Variants in BRWD1 observed in about 807,000 individuals in gnomAD.
BRWD1 encodes the protein bromodomain and WD repeat domain containing 1, also known as bromodomain and WD repeat-containing protein 1.
Under a neutral mutation model 251.2 loss-of-function variants are expected in BRWD1, and 82 were observed. That is an observed-to-expected ratio of 0.33 (90% CI 0.27 to 0.39). The LOEUF (loss-of-function observed/expected upper bound fraction) is 0.39, where lower values mean the gene tolerates loss of function less well. BRWD1 is among the 10% of genes least tolerant of loss of function. The pLI is 1.00. For synonymous variants in BRWD1, 918 were observed against 902.8 expected, an observed-to-expected ratio of 1.02 and a Z score of -0.30; for missense variants, 2,233 against 2,711.6, an observed-to-expected ratio of 0.82 and a Z score of 3.92.
At chr21:39,296,851 T>A in intron 5 of BRWD1, 1 of 977,696 alleles carries the variant, frequency 1.0e-6, no homozygotes, top group Non-Finnish European at 1.2e-6. Flanking sequence ...GTCTTACAAC[T>A]GATCCAACTT....
rs2035216952 is a variant in BRWD1, at chr21:39,274,460, AC to A, written c.1157del (p.Gly386ValfsTer15). ...AAATCCGTGCTGTTCCATCTCTGCT[AC>A]CACTTAGGAACCTTAAAACATTCAG... Reference protein sequence around the residue: ...FCNNGDRFLSGSRDGTARIWR... With the variant: ...FCNNGDRFLSXSRDGTARIWR... On this transcript the variant is annotated frameshift_variant, in exon 13 of 41. Coordinates refer to ENST00000342449, the MANE Select transcript of BRWD1 (RefSeq NM_033656.4). LOFTEE classifies it high-confidence loss of function. 1 of 1,613,486 alleles carries A rather than the reference AC, an allele frequency of 6.2e-7. No homozygotes were observed. Among genetic ancestry groups the A allele is most frequent in the Non-Finnish European group, 8.5e-7 (1 of 1,179,674 alleles).
rs376843261 is a variant in BRWD1, at chr21:39,284,973, G to T, written c.832-4725C>A. Among the ~76,000 whole-genome samples, 4 of 152,250 alleles carry T rather than the reference G, an allele frequency of 2.6e-5. No individual in the cohort carries two copies. In the East Asian group the frequency reaches 7.7e-4, roughly 29 times the overall value. ...GCTTTTGTTCCCTATGCTTTTGGGT[G>T]TATATCCAAAGGGAAATGAAATCAG... On this transcript the variant is annotated intron_variant, in intron 8 of 40. Transcript: ENST00000342449.
At chr21:39,280,528 G>C (rs2035423363) in intron 8 of BRWD1, among the ~76,000 whole-genome samples, 1 of 152,044 alleles carries the variant, frequency 6.6e-6, no homozygotes, top group Non-Finnish European at 1.5e-5. Context: ...ATATCACAGA[G>C]TGTTAATAAT....
intron 19 of BRWD1, among the ~76,000 whole-genome samples, chr21:39,255,133 G>A (rs567380826): frequency 1.1e-3 from 169 of 152,264 alleles, no homozygotes; most frequent in Non-Finnish European, 2.2e-3. Context: ...AGACGGAGCC[G>A]GGCGTGGTGG....
At chr21:39,291,683 C>T (rs1381299315) in intron 8 of BRWD1, among the ~76,000 whole-genome samples, 2 of 152,122 alleles carry the variant, frequency 1.3e-5, no homozygotes, top group Admixed American at 6.6e-5. Flanking sequence ...CAATCCTAAC[C>T]CTGAGCCTCA....
At chr21:39,203,186 C>T (rs192510998) in intron 37 of BRWD1, among the ~76,000 whole-genome samples, 331 of 152,288 alleles carry the variant, frequency 2.2e-3, no homozygotes, top group African/African-American at 7.4e-3. Context: ...AATGGCCGAA[C>T]ATGCCTGTAA....
chr21:39,289,763 G>A (rs919327850), intron 8 of BRWD1, among the ~76,000 whole-genome samples: 8 of 151,748 alleles, frequency 5.3e-5, no homozygotes, highest in Admixed American at 3.3e-4. Flanking sequence ...GGTGGCTCAC[G>A]CCTGTAATCC....
Position 39,194,959 on chromosome 21 carries a change from C to T in BRWD1, c.*1300G>A. 1 of 1,453,030 alleles carries T rather than the reference C, an allele frequency of 6.9e-7. No individual in the cohort carries two copies. Among genetic ancestry groups the T allele is most frequent in the Non-Finnish European group, 9.0e-7 (1 of 1,107,710 alleles). The allele number at this position is 1,453,030 out of a possible 1,614,324, so 90.0% of individuals were successfully genotyped here. A position where few individuals can be genotyped will look rare whatever the true frequency, so the allele number is the denominator to read the frequency against. ...CACTAAATATGTAAACCATTTGAAT[C>T]AAGTCCATCTTCAGGCACAAACAAG... On this transcript the variant is annotated 3_prime_UTR_variant, in exon 41 of 41. Transcript: ENST00000342449.
In BRWD1 at chr21:39,202,347, T is replaced by C; in HGVS notation, c.4563A>G (p.Ile1521Met). 6.2e-7 allele frequency: 1 copy of C among 1,612,946 alleles called. No homozygotes were observed. Among genetic ancestry groups the C allele is most frequent in the Non-Finnish European group, 8.5e-7 (1 of 1,179,186 alleles). ...CACCAGATAATGTAGAACCATTTGTTATAGGTCTATTTCTTTTCCTCCTTT... is the reference window on the plus strand; with the variant it reads ...CACCAGATAATGTAGAACCATTTGTCATAGGTCTATTTCTTTTCCTCCTTT... The part of the protein sequence containing the change: ...SSERRKRNRP[I>M]TNGSTLSESE... The change falls in exon 38 of 41, where the codon ATA becomes ATG. Residue 1521 changes from isoleucine (I) to methionine (M), a missense_variant. Coordinates refer to ENST00000342449, the MANE Select transcript of BRWD1 (RefSeq NM_033656.4).
Position 39,313,347 on chromosome 21 carries a change from G to C in BRWD1, c.50-48C>G, listed in dbSNP as rs372562002. ...GTCAAGCCCCGGCGGGGAGGGGAGG[G>C]GGACGGGGCCAGGGGAGCCGGGGGA... On this transcript the variant is annotated intron_variant, in intron 1 of 40. Transcript: ENST00000342449. The C allele has an allele frequency of 2.4e-4, 366 of 1,499,486 alleles. No individual in the cohort carries two copies. The African/African-American group carries it at 4.7e-3, about 19-fold the overall frequency. 92.9% of individuals were successfully genotyped at this position (1,499,486 alleles called of 1,614,324 possible). A position where few individuals can be genotyped will look rare whatever the true frequency, so the allele number is the denominator to read the frequency against.
rs2031716387 is a variant in BRWD1, at chr21:39,194,609, G to A, written c.*1650C>T. 2 of 1,511,440 alleles carry A rather than the reference G, an allele frequency of 1.3e-6. No homozygotes were observed. The highest frequency in any genetic ancestry group is 1.4e-5 in the African/African-American group (1 of 72,034). The allele number at this position is 1,511,440 out of a possible 1,614,324, so 93.6% of individuals were successfully genotyped here. ...ACATCCTTCCCCATGCATCAGAGTA[G>A]AAAGAAAATGTACCTTCTACTATGT... On this transcript the variant is annotated 3_prime_UTR_variant, in exon 41 of 41. Transcript: ENST00000342449.
At chr21:39,286,497 G>C (rs1054741180) in intron 8 of BRWD1, among the ~76,000 whole-genome samples, 1 of 151,338 alleles carries the variant, frequency 6.6e-6, no homozygotes, top group African/African-American at 2.4e-5. Context: ...GAAAATAAAA[G>C]TTTTTTATTT....
chr21:39,309,792 TCCAGCCTGGGCGAC>T (rs1325639952), intron 4 of BRWD1, among the ~76,000 whole-genome samples: 1 of 123,256 alleles, frequency 8.1e-6, no homozygotes, highest in East Asian at 2.4e-4. Flanking sequence ...ACCGCTGCAC[TCCAGCCTGGGCGAC>T]AGAGCGAGAC....
At chr21:39,305,023 A>G (rs942487219) in intron 4 of BRWD1, among the ~76,000 whole-genome samples, 20 of 145,022 alleles carry the variant, frequency 1.4e-4, no homozygotes, top group Non-Finnish European at 2.4e-4. Flanking sequence ...GCAGTGGCAC[A>G]ATCTCCGCTC....
In BRWD1 at chr21:39,196,323, T is replaced by C; in HGVS notation, c.6746A>G (p.Tyr2249Cys). 1 of 1,612,692 alleles carries C rather than the reference T, an allele frequency of 6.2e-7. No homozygotes were observed. The change falls in exon 41 of 41, where the codon TAC becomes TGC. Residue 2249 changes from tyrosine to cysteine, a missense_variant. By Grantham distance (194) the Tyr-to-Cys change is radical. Coordinates refer to ENST00000342449, the MANE Select transcript of BRWD1 (RefSeq NM_033656.4). ...TRNQGRRTVR[Y>C]HDGDDDRSLE... ...ACTTCTGTCATCATCCCCATCATGGTATCTCACAGTCCTTCTACCCTGATT... is the reference window on the plus strand; with the variant it reads ...ACTTCTGTCATCATCCCCATCATGGCATCTCACAGTCCTTCTACCCTGATT...
Position 39,313,556 on chromosome 21 carries a change from C to T in BRWD1, c.-65G>A, listed in dbSNP as rs1405707380. 21 of 1,255,918 alleles carry T rather than the reference C, an allele frequency of 1.7e-5. No homozygotes were observed. Among genetic ancestry groups the T allele is most frequent in the Non-Finnish European group, 2.1e-5 (21 of 994,614 alleles). 77.8% of individuals were successfully genotyped at this position (1,255,918 alleles called of 1,614,324 possible). A position where few individuals can be genotyped will look rare whatever the true frequency, so the allele number is the denominator to read the frequency against. ...CGGAGCGTGTAGGCCGCGCCGAGGC[C>T]TGACCGGGCTGGCGTCCCCTCTTCT... On this transcript the variant is annotated 5_prime_UTR_variant, in exon 1 of 41. Coordinates refer to ENST00000342449, the MANE Select transcript of BRWD1 (RefSeq NM_033656.4).
At chr21:39,184,318 T>C (rs2031085669), downstream of BRWD1, 1 of 152,272 alleles carries the variant, frequency 6.6e-6, no homozygotes, top group South Asian at 2.1e-4. Context: ...TACAAAATGT[T>C]TCTTTTTAAA....
At chr21:39,253,845 G>T (rs569953933) in intron 19 of BRWD1, among the ~76,000 whole-genome samples, 1 of 152,276 alleles carries the variant, frequency 6.6e-6, no homozygotes, top group East Asian at 1.9e-4. Flanking sequence ...AGTATTTCCT[G>T]TTTCCATTTC....
In BRWD1 at chr21:39,218,530, A is replaced by T. The variant is rs770185373; in HGVS notation, c.3513T>A (p.Ser1171Arg). 2.5e-6 allele frequency: 4 copies of T among 1,606,226 alleles called. No homozygotes were observed. The highest frequency in any genetic ancestry group is 3.4e-6 in the Non-Finnish European group (4 of 1,178,172). ...SRDEECDRII[S>R]GIDQLLNLDI... ...CAAGATTCAAAAGTTGATCTATACC[A>T]CTGATAATTCTATCACATTCTTCAT... Residue 1171 changes from serine to arginine, a missense_variant, in exon 30 of 41, where the codon AGT becomes AGA. Physicochemically the swap from Ser to Arg is moderately radical, Grantham distance 110. Around this residue, in one of 12 missense-constraint regions of BRWD1, gnomAD observed 167 missense variants for 183.2 expected, o/e 0.91. Transcript: ENST00000342449.
Sources: allele counts gnomAD v4.1 joint callset (sites outside exome capture counted in the v4.1 genomes callset), GRCh38; gene constraint gnomAD v4.1.1; regional missense constraint gnomAD v4.1.1; transcripts MANE v1.5; gene names NCBI Gene and HGNC (gene_info 2026-07-23, HGNC 2026-07-21).